The following ZNF280D variants were observed in gnomAD, a reference collection of about 807,000 sequenced individuals.
The protein encoded by ZNF280D is suppressor of hairy wing homolog 4.
Under a neutral mutation model 94.7 loss-of-function variants are expected in ZNF280D, and 39 were observed. The ratio of observed to expected loss-of-function variants is 0.41; its 90% CI spans 0.32 to 0.54. ZNF280D has a LOEUF of 0.54. Among genes scored for constraint, ZNF280D ranks in the 20% least tolerant of loss-of-function variants. The probability of loss-of-function intolerance (pLI) is 0.22; values close to 1 mark genes in which losing one functional copy is unlikely to be tolerated. For missense variants in ZNF280D, 1,090 were observed against 1,149.3 expected, an observed-to-expected ratio of 0.95 and a Z score of 0.75; for synonymous variants, 398 against 377.6, an observed-to-expected ratio of 1.05 and a Z score of -0.63.
At chr15:56,727,606 T>C (rs1367886604) in intron 1 of ZNF280D, among the ~76,000 whole-genome samples, 2 of 152,216 alleles carry the variant, frequency 1.3e-5, no homozygotes, top group Non-Finnish European at 2.9e-5. Context: ...CAGATTCTGA[T>C]CCCCTTCATC....
intron 1 of ZNF280D, among the ~76,000 whole-genome samples, chr15:56,710,410 G>A (rs1164657861): frequency 4.1e-5 from 6 of 147,024 alleles, no homozygotes; most frequent in Non-Finnish European, 6.0e-5. Flanking sequence ...TCTGTCTCTC[G>A]AAAAAATAAA....
chr15:56,633,102 TG>T (rs1286356884), intron 21 of ZNF280D, among the ~76,000 whole-genome samples: 1 of 152,190 alleles, frequency 6.6e-6, no homozygotes, highest in Non-Finnish European at 1.5e-5. Flanking sequence ...GATCTAAGGA[TG>T]CTTATTTTAT....
At position 56,640,344 on chromosome 15, in the gene ZNF280D, T is replaced by C. The variant is rs1470905216; in HGVS notation, c.2259+2608A>G. Among the ~76,000 whole-genome samples, 4 of 152,172 alleles carry C rather than the reference T, an allele frequency of 2.6e-5. No individual in the cohort carries two copies. In the South Asian group the frequency reaches 6.2e-4, roughly 24 times the overall value. ...TCACTTTGTTTCCCAGGCTGGTCTC[T>C]AACTCCTAGACTTAAGCAATCCTCC... is the stretch of plus-strand genomic sequence containing the variant. On this transcript the variant is annotated intron_variant, in intron 20 of 21. Transcript: ENST00000267807.
At chr15:56,654,172 ATGCAC>A in intron 19 of ZNF280D, 21 bp downstream of exon 19, 2 of 1,600,422 alleles carry the variant, frequency 1.2e-6, no homozygotes, top group Non-Finnish European at 1.7e-6. Context: ...TCAAAGTAAA[ATGCAC>A]TGAATAAAAA....
intron 1 of ZNF280D, among the ~76,000 whole-genome samples, chr15:56,732,327 A>G (rs1414057414): frequency 6.6e-6 from 1 of 152,204 alleles, no homozygotes; most frequent in Non-Finnish European, 1.5e-5. Context: ...AAAGCAAGAC[A>G]CAATTACAAC....
At chr15:56,677,829 C>T (rs551828373) in intron 11 of ZNF280D, among the ~76,000 whole-genome samples, 155 bp from the exon 12 acceptor site, 1 of 152,226 alleles carries the variant, frequency 6.6e-6, no homozygotes, top group East Asian at 1.9e-4. Context: ...GTTCTAAGCA[C>T]TCACATTACC....
chr15:56,669,095 T>C (rs1447950790), intron 13 of ZNF280D, 138 bp from the exon 14 acceptor site: 6 of 737,414 alleles, frequency 8.1e-6, no homozygotes, highest in East Asian at 2.9e-5. Flanking sequence ...ATCATAATAA[T>C]ATAAAATGCC....
intron 1 of ZNF280D, among the ~76,000 whole-genome samples, chr15:56,710,220 C>T (rs1328523326): frequency 1.3e-5 from 2 of 152,042 alleles, no homozygotes; most frequent in Non-Finnish European, 2.9e-5. Context: ...CTGGCCAACA[C>T]AGAGTCAAAC....
chr15:56,724,201 G>C (rs570781537), intron 1 of ZNF280D, among the ~76,000 whole-genome samples: 3 of 152,138 alleles, frequency 2.0e-5, no homozygotes, highest in African/African-American at 7.2e-5. Context: ...CTTAAGCTGG[G>C]GACTGTCTGT....
intron 1 of ZNF280D, among the ~76,000 whole-genome samples, chr15:56,714,449 CA>C (rs1368009299): frequency 1.3e-5 from 2 of 151,908 alleles, no homozygotes; most frequent in Non-Finnish European, 2.9e-5. Flanking sequence ...TAAAATAAAC[CA>C]AAAATATCTA....
At chr15:56,694,401 A>C (rs2056620887) in intron 6 of ZNF280D, among the ~76,000 whole-genome samples, 1 of 151,944 alleles carries the variant, frequency 6.6e-6, no homozygotes, top group South Asian at 2.1e-4. Flanking sequence ...AAGCTCTCAG[A>C]GTGACTTTTG....
intron 4 of ZNF280D, among the ~76,000 whole-genome samples, chr15:56,701,461 T>C (rs1329834189): frequency 1.3e-5 from 2 of 152,100 alleles, no homozygotes; most frequent in Non-Finnish European, 2.9e-5. Flanking sequence ...AAGAACAATC[T>C]TTCTCATTGT....
chr15:56,634,166 T>C (rs2140495675), intron 21 of ZNF280D: 1 of 152,316 alleles, frequency 6.6e-6, no homozygotes, highest in African/African-American at 2.4e-5. Context: ...TATTTTGTAA[T>C]CATATGTTAG....
At chr15:56,689,577 T>C (rs1157978258) in intron 7 of ZNF280D, 107 bp from the exon 8 acceptor site, 4 of 709,522 alleles carry the variant, frequency 5.6e-6, no homozygotes, top group South Asian at 6.9e-5. Flanking sequence ...AATTGAATTA[T>C]CATATCATGA....
At chr15:56,732,989 C>A (rs2058972760) in intron 1 of ZNF280D, 1 of 152,342 alleles carries the variant, frequency 6.6e-6, no homozygotes, top group African/African-American at 2.4e-5. Context: ...CCTGTGCCTG[C>A]AAATCCCGAA....
intron 6 of ZNF280D, among the ~76,000 whole-genome samples, chr15:56,695,066 TTGTGTGTGTG>T (rs10563061): frequency 6.6e-6 from 1 of 150,440 alleles, no homozygotes; most frequent in Admixed American, 6.6e-5. Flanking sequence ...TTCACTTCCT[TTGTGTGTGTG>T]TGTGTGTGTG....
chr15:56,680,714 C>T (rs143767256), intron 10 of ZNF280D, among the ~76,000 whole-genome samples: 3 of 150,592 alleles, frequency 2.0e-5, no homozygotes, highest in Non-Finnish European at 2.9e-5. Flanking sequence ...TTTGCTAAAG[C>T]GATCATCCTG....
intron 14 of ZNF280D, 92 bp from the exon 15 acceptor site, chr15:56,667,078 T>A: frequency 9.3e-7 from 1 of 1,078,786 alleles, no homozygotes; most frequent in Non-Finnish European, 1.3e-6. Flanking sequence ...AAATCAAGAA[T>A]TTTGAAAAAA....
In ZNF280D at chr15:56,666,409, T is replaced by C. The variant is rs2054286179; in HGVS notation, c.1980A>G (p.Val660=). 1 of 1,609,030 alleles carries C rather than the reference T, an allele frequency of 6.2e-7. No individual in the cohort carries two copies. Among genetic ancestry groups the C allele is most frequent in the African/African-American group, 1.3e-5 (1 of 74,594 alleles). The change falls in exon 16 of 22, where the codon GTA becomes GTG. Residue 660 remains valine (V), a synonymous_variant. Transcript: ENST00000267807. ...RYNTSCSKAY[V]NHMMSFHSNR... Reference sequence around the variant, plus strand: ...ATTCATCTTACCTCATCATATGATTTACATAGGCTTTGCTACAGCTAGTGT... The same window carrying C: ...ATTCATCTTACCTCATCATATGATTCACATAGGCTTTGCTACAGCTAGTGT...
Sources: gnomAD v4.1 joint callset for allele counts (sites outside exome capture counted in the v4.1 genomes callset) on GRCh38, gnomAD v4.1.1 for gene constraint, MANE v1.5 for transcripts, NCBI Gene and HGNC (gene_info 2026-07-23, HGNC 2026-07-21) for gene names.